The following SLC38A11 variants were observed in gnomAD, a reference collection of about 807,000 sequenced individuals.
The protein encoded by SLC38A11 is solute carrier family 38 member 11.
Under a neutral mutation model 49.4 loss-of-function variants are expected in SLC38A11, and 51 were observed. That is an observed-to-expected ratio of 1.03 (90% CI 0.83 to 1.30). The LOEUF (loss-of-function observed/expected upper bound fraction) is 1.30. Ranked by LOEUF, SLC38A11 falls within the 50% of genes most tolerant of loss-of-function variation. The probability of loss-of-function intolerance (pLI) is 0.00; values close to 1 mark genes in which losing one functional copy is unlikely to be tolerated. For missense variants in SLC38A11, 574 were observed against 556.2 expected (o/e 1.03, Z -0.32); for synonymous variants, 203 against 192.9 (o/e 1.05, Z -0.43).
chr2:164,938,507 A>G (rs1687528353), intron 6 of SLC38A11, among the ~76,000 whole-genome samples: 1 of 152,194 alleles, frequency 6.6e-6, no homozygotes, highest in Admixed American at 6.6e-5. Context: ...AGAAGATAAC[A>G]TTTATGTGTA....
intron 11 of SLC38A11, among the ~76,000 whole-genome samples, 181 bp downstream of exon 11, chr2:164,908,459 A>G (rs1368050641): frequency 2.6e-5 from 4 of 152,116 alleles, no homozygotes; most frequent in South Asian, 2.1e-4. Context: ...ACTACTTTAA[A>G]ACTATATAGT....
chr2:164,907,270 CTTT>C (rs60527900), intron 11 of SLC38A11, among the ~76,000 whole-genome samples: 158 of 97,902 alleles, frequency 1.6e-3, no homozygotes, highest in Middle Eastern at 0.014. Flanking sequence ...CTTCTTTTCT[CTTT>C]TTTTTTTTTT....
intron 11 of SLC38A11, among the ~76,000 whole-genome samples, chr2:164,908,297 C>T (rs1452884167): frequency 6.6e-6 from 1 of 152,062 alleles, no homozygotes; most frequent in African/African-American, 2.4e-5. Context: ...ACCAGGGTTT[C>T]TCAACCTCAG....
chr2:164,931,256 A>G (rs918905407), intron 7 of SLC38A11, among the ~76,000 whole-genome samples: 2 of 151,680 alleles, frequency 1.3e-5, no homozygotes. Flanking sequence ...AAAAAAAAAA[A>G]AAAAAATCAG....
intron 7 of SLC38A11, among the ~76,000 whole-genome samples, chr2:164,930,169 C>A (rs1455587188): frequency 6.6e-6 from 1 of 151,986 alleles, no homozygotes; most frequent in Non-Finnish European, 1.5e-5. Context: ...GGATAAATTC[C>A]TGGATACATA....
chr2:164,916,867 C>G (rs1021162708), intron 7 of SLC38A11, among the ~76,000 whole-genome samples: 2 of 152,056 alleles, frequency 1.3e-5, no homozygotes, highest in African/African-American at 4.8e-5. Context: ...GTTCTTCTGG[C>G]CTCCTTCCAC....
chr2:164,914,969 G>T (rs150942862), intron 9 of SLC38A11, 143 bp downstream of exon 9: 7 of 661,136 alleles, frequency 1.1e-5, no homozygotes, highest in Admixed American at 7.8e-5. Flanking sequence ...CAGACAGCAG[G>T]GGGGCAGGAG....
intron 3 of SLC38A11, among the ~76,000 whole-genome samples, chr2:164,949,351 C>T (rs768798216): frequency 1.1e-4 from 16 of 152,002 alleles, no homozygotes; most frequent in Admixed American, 3.9e-4. Flanking sequence ...TGGGTTCAAG[C>T]GATTCTCCTG....
intron 7 of SLC38A11, among the ~76,000 whole-genome samples, chr2:164,917,365 T>TC (rs796428238): frequency 2.8e-4 from 42 of 152,246 alleles, no homozygotes; most frequent in African/African-American, 9.6e-4. Flanking sequence ...TCATCCTTTT[T>TC]CCCATATATG....
chr2:164,945,550 C>T (rs183217770), intron 4 of SLC38A11, 43 bp downstream of exon 4: 1 of 1,550,496 alleles, frequency 6.4e-7, no homozygotes, highest in South Asian at 1.2e-5. Context: ...TGACCATATG[C>T]TTATGCACAT....
chr2:164,947,030 C>T (rs1688158308), intron 3 of SLC38A11, among the ~76,000 whole-genome samples: 1 of 145,992 alleles, frequency 6.8e-6, no homozygotes, highest in African/African-American at 2.6e-5. Context: ...TTGTGGTTTT[C>T]TTCCTGCTGT....
chr2:164,918,718 A>T (rs900492318), intron 7 of SLC38A11, among the ~76,000 whole-genome samples: 8 of 152,224 alleles, frequency 5.3e-5, no homozygotes, highest in African/African-American at 1.7e-4. Flanking sequence ...AAATTTATGC[A>T]TATGGAAAAT....
At chr2:164,915,040 C>T in intron 9 of SLC38A11, 72 bp downstream of exon 9, 1 of 1,358,378 alleles carries the variant, frequency 7.4e-7, no homozygotes, top group South Asian at 1.5e-5. Context: ...ATACCTGTAA[C>T]AATAATGAGT....
Position 164,939,516 on chromosome 2 carries a change from A to G in SLC38A11, c.471T>C (p.Ile157=), listed in dbSNP as rs752655259. Residue 157 remains isoleucine, a synonymous_variant, in exon 6 of 12, where the codon ATT becomes ATC. Transcript: ENST00000685975. ...GAGTAAAGGTAACTGTGGAAAGTCC[A>G]ATAATGAAGTGGCGACCAATAAACA... ...ENVFIGRHFI[I]GLSTVTFTLP... The G allele has an allele frequency of 6.2e-7, 1 of 1,611,026 alleles. No individual in the cohort carries two copies. The highest frequency in any genetic ancestry group is 8.5e-7 in the Non-Finnish European group (1 of 1,178,054).
At position 164,944,568 on chromosome 2, in the gene SLC38A11, C is replaced by T. The variant is rs1208298085; in HGVS notation, c.430+1G>A. On this transcript the variant is annotated splice_donor_variant, in intron 5 of 11. Coordinates refer to ENST00000685975, the MANE Select transcript of SLC38A11 (RefSeq NM_001351537.2). LOFTEE classifies it high-confidence loss of function. ...TCCTCACAATTTTTATTTTGGCTTA[C>T]CTCCTGGGATTCTTTGAAAAACTTT... 3 of 1,314,334 alleles carry T rather than the reference C, an allele frequency of 2.3e-6. No individual in the cohort carries two copies. The highest frequency in any genetic ancestry group is 6.5e-5 in the Admixed American group (2 of 30,572). 81.4% of individuals were successfully genotyped at this position (1,314,334 alleles called of 1,614,324 possible). A position where few individuals can be genotyped will look rare whatever the true frequency, so the allele number is the denominator to read the frequency against.
Position 164,915,236 on chromosome 2 carries a change from A to G in SLC38A11, c.726T>C (p.Ser242=), listed in dbSNP as rs746774133. ...TAGCTACTGTGGGTTCTTCTAGAGA[A>G]CTGTAAACTAAGAAGGAGTTATGGT... is the stretch of plus-strand genomic sequence containing the variant. ...ICHHNSFLVY[S]SLEEPTVAKW... Residue 242 remains serine, a synonymous_variant, in exon 9 of 12, where the codon AGT becomes AGC. Transcript: ENST00000685975. 6.2e-7 allele frequency: 1 copy of G among 1,610,016 alleles called. No homozygotes were observed. The highest frequency in any genetic ancestry group is 1.7e-5 in the Admixed American group (1 of 59,398).
rs1204077260 is a variant in SLC38A11 at position 164,895,806 on chromosome 2, G to T, written c.*2631C>A. On this transcript the variant is annotated 3_prime_UTR_variant, in exon 12 of 12. Transcript: ENST00000685975. Reference sequence around the variant, plus strand: ...TTACCCATTCTGATGTTTGAAGATGGTTCAAGTTAGTTTTGATAATAAAGA... The same window carrying T: ...TTACCCATTCTGATGTTTGAAGATGTTTCAAGTTAGTTTTGATAATAAAGA... 1 of 152,118 alleles carries T rather than the reference G, an allele frequency of 6.6e-6. No individual in the cohort carries two copies. The highest frequency in any genetic ancestry group is 1.5e-5 in the Non-Finnish European group (1 of 68,018). 9.4% of individuals were successfully genotyped at this position (152,118 alleles called of 1,614,324 possible).
At chr2:164,929,293 G>A (rs1226831565) in intron 7 of SLC38A11, among the ~76,000 whole-genome samples, 1 of 152,016 alleles carries the variant, frequency 6.6e-6, no homozygotes, top group South Asian at 2.1e-4. Flanking sequence ...TGTCCTTTGG[G>A]ATACCCTTTT....
chr2:164,949,240 A>T (rs766496027), intron 3 of SLC38A11, among the ~76,000 whole-genome samples: 1 of 151,766 alleles, frequency 6.6e-6, no homozygotes, highest in African/African-American at 2.4e-5. Context: ...TATTTATTTA[A>T]TTTAATTAAT....
Sources: allele counts gnomAD v4.1 joint callset (sites outside exome capture counted in the v4.1 genomes callset), GRCh38; gene constraint gnomAD v4.1.1; transcripts MANE v1.5; gene names NCBI Gene and HGNC (gene_info 2026-07-23, HGNC 2026-07-21).